The following DMWD variants were observed in gnomAD, a reference collection of about 807,000 sequenced individuals.
The protein encoded by DMWD is DM1 locus, WD repeat containing.
In DMWD, 19 loss-of-function variants were observed where a neutral mutation model predicts 45.8. That is an observed-to-expected ratio of 0.41 (90% CI 0.29 to 0.61). The LOEUF (loss-of-function observed/expected upper bound fraction) is 0.61, where lower values mean the gene tolerates loss of function less well. Ranked by LOEUF, DMWD falls within the 20% of genes least tolerant of loss-of-function variation. The probability of loss-of-function intolerance (pLI) is 0.25; values close to 1 mark genes in which losing one functional copy is unlikely to be tolerated. For synonymous variants in DMWD, 515 were observed against 440.5 expected (o/e 1.17, Z -2.12); for missense variants, 802 against 965.2 (o/e 0.83, Z 2.24).
chr19:45,792,703 G>A lies in DMWD; in HGVS notation c.54C>T (p.Asp18=), dbSNP rs1366138241. 1.4e-5 allele frequency: 17 copies of A among 1,248,890 alleles called. No homozygotes were observed. The Admixed American group carries it at 2.6e-4, about 19-fold the overall frequency. The allele number at this position is 1,248,890 out of a possible 1,614,324, so 77.4% of individuals were successfully genotyped here. A position where few individuals can be genotyped will look rare whatever the true frequency, so the allele number is the denominator to read the frequency against. ...GGSGPGAAMG[D]CAEIKSQFRT... Reference sequence around the variant, plus strand: ...GGAATTGCGACTTAATCTCCGCGCAGTCCCCCATGGCGGCGCCGGGGCCCG... The same window carrying A: ...GGAATTGCGACTTAATCTCCGCGCAATCCCCCATGGCGGCGCCGGGGCCCG... Residue 18 remains aspartate, a synonymous_variant, in exon 1 of 5, where the codon GAC becomes GAT. Transcript: ENST00000270223.
At chr19:45,784,541 G>A (rs777308922) in intron 4 of DMWD, 100 bp downstream of exon 4, 8 of 1,582,992 alleles carry the variant, frequency 5.1e-6, no homozygotes, top group Non-Finnish European at 6.9e-6. Flanking sequence ...TGAGACCATG[G>A]GGTAAGGGTA....
chr19:45,787,188 T>G, intron 2 of DMWD: 1 of 427,090 alleles, frequency 2.3e-6, no homozygotes, highest in Non-Finnish European at 4.3e-6. Flanking sequence ...GTCCTCAACC[T>G]CCGGGCCATG....
intron 3 of DMWD, chr19:45,785,384 CCT>C (rs935522718): frequency 7.3e-5 from 91 of 1,252,912 alleles, no homozygotes; most frequent in East Asian, 1.9e-4. Context: ...CACACCCACC[CCT>C]CTTTCTGCTG....
chr19:45,791,165 C>T, intron 1 of DMWD, 78 bp from the exon 2 acceptor site: 1 of 1,444,764 alleles, frequency 6.9e-7, no homozygotes, highest in African/African-American at 1.4e-5. Context: ...TGGGGGAAAC[C>T]ACTAAGAGGA....
chr19:45,785,442 T>G, intron 3 of DMWD, 152 bp downstream of exon 3: 1 of 1,377,246 alleles, frequency 7.3e-7, no homozygotes, highest in Non-Finnish European at 9.3e-7. Context: ...ATCTGAGAGG[T>G]CTTGTACTGA....
rs778181424 is a variant in DMWD at position 45,792,110 on chromosome 19, T to A, written c.441+206A>T. ...ACGGGGGTAAAGGGGATTTCCCCCA[T>A]CACCTCCAAGATGCCTGCCCAGCAC... On this transcript the variant is annotated intron_variant, in intron 1 of 4. Coordinates refer to ENST00000270223, the MANE Select transcript of DMWD (RefSeq NM_004943.2). Among the ~76,000 whole-genome samples the A allele has an allele frequency of 6.6e-5, 10 of 152,240 alleles. No homozygotes were observed. In the South Asian group the frequency reaches 1.0e-3, roughly 16 times the overall value.
chr19:45,789,419 G>A (rs1305778433), intron 2 of DMWD: 1 of 152,252 alleles, frequency 6.6e-6, no homozygotes, highest in Non-Finnish European at 1.5e-5. Context: ...GTCGTTTACT[G>A]GTATCTCCTC....
intron 1 of DMWD, among the ~76,000 whole-genome samples, chr19:45,791,768 G>A (rs1267293528): frequency 2.0e-5 from 3 of 151,748 alleles, no homozygotes; most frequent in Non-Finnish European, 4.4e-5. Context: ...TCAGCTTCCG[G>A]ACGCTCATCT....
chr19:45,783,590 T>C lies in DMWD; in HGVS notation c.*653A>G. 2.5e-6 allele frequency: 1 copy of C among 398,806 alleles called. No individual in the cohort carries two copies. 24.7% of individuals were successfully genotyped at this position (398,806 alleles called of 1,614,324 possible). A position where few individuals can be genotyped will look rare whatever the true frequency, so the allele number is the denominator to read the frequency against. ...TCCGTTCCCTCCCTGGGCTCCGGCTTTTCCTGCTATGAAAAGGGGTGGGAG... is the reference window on the plus strand; with the variant it reads ...TCCGTTCCCTCCCTGGGCTCCGGCTCTTCCTGCTATGAAAAGGGGTGGGAG... On this transcript the variant is annotated 3_prime_UTR_variant, in exon 5 of 5. Coordinates refer to ENST00000270223, the MANE Select transcript of DMWD (RefSeq NM_004943.2).
chr19:45,792,550 G>T lies in DMWD; in HGVS notation c.207C>A (p.Ser69=), dbSNP rs1234829881. The stretch of plus-strand genomic sequence containing the variant: ...ACGCGGGGCCTGCAGCGCCGGGACC[G>T]GAGGCGGAGGCAGGGCCGGGCGGGG... ...PQPPPGPASA[S]GPGAAGPASS... is the part of the protein sequence containing the mutation. Residue 69 remains serine (S), a synonymous_variant, in exon 1 of 5, where the codon TCC becomes TCA. Transcript: ENST00000270223. 9.3e-6 allele frequency: 11 copies of T among 1,181,416 alleles called. No individual in the cohort carries two copies. Among genetic ancestry groups the T allele is most frequent in the Middle Eastern group, 2.9e-4 (1 of 3,498 alleles). 73.2% of individuals were successfully genotyped at this position (1,181,416 alleles called of 1,614,324 possible).
intron 1 of DMWD, among the ~76,000 whole-genome samples, chr19:45,792,086 C>T (rs1460749461): frequency 6.6e-6 from 1 of 152,124 alleles, no homozygotes; most frequent in African/African-American, 2.4e-5. Context: ...CTACGCATAA[C>T]GGGGGTAAAG....
chr19:45,785,579 T>C lies in DMWD; in HGVS notation c.1902+15A>G. ...TCCTGCCAGGTCCCCGGCAGGCTGG[T>C]GTGGGGCCACTCACCGCCTTGCCCG... On this transcript the variant is annotated intron_variant, in intron 3 of 4. Coordinates refer to ENST00000270223, the MANE Select transcript of DMWD (RefSeq NM_004943.2). The C allele has an allele frequency of 6.8e-7, 1 of 1,467,944 alleles. No individual in the cohort carries two copies. Among genetic ancestry groups the C allele is most frequent in the South Asian group, 1.4e-5 (1 of 69,830 alleles). The allele number at this position is 1,467,944 out of a possible 1,614,324, so 90.9% of individuals were successfully genotyped here.
chr19:45,788,961 G>C (rs966510597), intron 2 of DMWD, among the ~76,000 whole-genome samples: 54 of 149,052 alleles, frequency 3.6e-4, no homozygotes, highest in Non-Finnish European at 6.1e-4. Context: ...CCCTTCCCCA[G>C]GCAACTCTTC....
chr19:45,792,509 G>C lies in DMWD; in HGVS notation c.248C>G (p.Ala83Gly). 1 of 1,146,256 alleles carries C rather than the reference G, an allele frequency of 8.7e-7. No individual in the cohort carries two copies. Among genetic ancestry groups the C allele is most frequent in the Non-Finnish European group, 1.1e-6 (1 of 930,718 alleles). 71.0% of individuals were successfully genotyped at this position (1,146,256 alleles called of 1,614,324 possible). A position where few individuals can be genotyped will look rare whatever the true frequency, so the allele number is the denominator to read the frequency against. The change falls in exon 1 of 5, where the codon GCA becomes GGA. Residue 83 changes from alanine to glycine, a missense_variant. Ala to Gly is a moderately conservative substitution (Grantham distance 60). This residue lies in a region of DMWD where 151 missense variants were observed against 128.1 expected (regional missense o/e 1.18). Transcript: ENST00000270223. The part of the protein sequence containing the change: ...AAGPASSPPP[A>G]GPGPGPALPA... ...CAGGGCGGGCCCGGGTCCGGGGCCT[G>C]CGGGCGGCGGGGACGACGCGGGGCC...
intron 3 of DMWD, chr19:45,785,284 G>A (rs1480140911): frequency 2.2e-5 from 25 of 1,155,920 alleles, no homozygotes; most frequent in Non-Finnish European, 2.7e-5. Context: ...ATTCTGGTTC[G>A]AGTGACAGGC....
In DMWD at chr19:45,786,058, C is replaced by G; in HGVS notation, c.1438G>C (p.Glu480Gln). ...CGAGGCAGGGGGCCTGGGCCAGGCT[C>G]GCCACCCCTCGAGCTGCTGGCGGCC... is the stretch of plus-strand genomic sequence containing the variant. ...PPAASSSRGG[E>Q]PGPGPLPRSL... The change falls in exon 3 of 5, where the codon GAG becomes CAG. Residue 480 changes from glutamate to glutamine, a missense_variant. Physicochemically the swap from Glu to Gln is conservative, Grantham distance 29. Coordinates refer to ENST00000270223, the MANE Select transcript of DMWD (RefSeq NM_004943.2). 1 of 1,523,624 alleles carries G rather than the reference C, an allele frequency of 6.6e-7. No homozygotes were observed. Among genetic ancestry groups the G allele is most frequent in the Non-Finnish European group, 8.8e-7 (1 of 1,134,474 alleles). 94.4% of individuals were successfully genotyped at this position (1,523,624 alleles called of 1,614,324 possible).
At chr19:45,790,829 G>C in intron 2 of DMWD, 76 bp downstream of exon 2, 2 of 1,513,074 alleles carry the variant, frequency 1.3e-6, no homozygotes, top group Non-Finnish European at 1.8e-6. Flanking sequence ...CTGTTCCGCA[G>C]GCAGCTGCAT....
At chr19:45,784,740 T>C (rs1030104285) in intron 3 of DMWD, 25 bp from the exon 4 acceptor site, 12 of 1,610,768 alleles carry the variant, frequency 7.4e-6, no homozygotes, top group African/African-American at 1.3e-5. Flanking sequence ...GGGTCTCTTT[T>C]AGGACTCAAC....
rs1425334321 is a variant in DMWD, at chr19:45,792,843, G to A, written c.-87C>T. On this transcript the variant is annotated 5_prime_UTR_variant, in exon 1 of 5. Transcript: ENST00000270223. ...GAAGCCGCTGGCCCGCGCCGGAAAA[G>A]GTGGGGTCGTCGCCCGGGCAACGCC... is the stretch of plus-strand genomic sequence containing the variant. The A allele has an allele frequency of 1.9e-6, 2 of 1,048,986 alleles. No individual in the cohort carries two copies. Among genetic ancestry groups the A allele is most frequent in the Non-Finnish European group, 2.3e-6 (2 of 871,052 alleles). 65.0% of individuals were successfully genotyped at this position (1,048,986 alleles called of 1,614,324 possible).
Sources: gnomAD v4.1 joint callset for allele counts (sites outside exome capture counted in the v4.1 genomes callset) on GRCh38, gnomAD v4.1.1 for gene constraint, gnomAD v4.1.1 regional missense constraint, MANE v1.5 for transcripts, NCBI Gene and HGNC (gene_info 2026-07-23, HGNC 2026-07-21) for gene names.